PTPRE: variants seen among roughly 807,000 people sequenced by gnomAD.
The protein encoded by PTPRE is receptor-type tyrosine-protein phosphatase epsilon.
A neutral mutation model predicts 102.0 loss-of-function variants in PTPRE; 51 were observed. The ratio of observed to expected loss-of-function variants is 0.50; its 90% CI spans 0.40 to 0.63. PTPRE has a LOEUF of 0.63. PTPRE is among the 30% of genes least tolerant of loss of function. The pLI, the probability that PTPRE is intolerant of heterozygous loss-of-function variation, is 0.00. For missense variants in PTPRE, 752 were observed against 915.1 expected (o/e 0.82, Z 2.30); for synonymous variants, 345 against 348.2 (o/e 0.99, Z 0.10).
intron 1 of PTPRE, among the ~76,000 whole-genome samples, chr10:127,910,291 G>GA (rs1845779218): frequency 1.3e-5 from 2 of 152,106 alleles, no homozygotes; most frequent in African/African-American, 4.8e-5. Flanking sequence ...CCTGCTCTCA[G>GA]CCTCCTTCCC....
intron 1 of PTPRE, among the ~76,000 whole-genome samples, chr10:127,925,541 C>T (rs1846941360): frequency 6.6e-6 from 1 of 152,172 alleles, no homozygotes. Flanking sequence ...GAACAAGGCT[C>T]AGAAAACAGG....
intron 2 of PTPRE, among the ~76,000 whole-genome samples, chr10:127,992,212 C>T (rs1474742570): frequency 2.0e-5 from 3 of 152,110 alleles, no homozygotes; most frequent in African/African-American, 7.2e-5. Flanking sequence ...GGGAAAACAA[C>T]ATGACCAGAA....
chr10:127,979,442 C>A (rs1341421987), intron 1 of PTPRE, among the ~76,000 whole-genome samples: 1 of 152,194 alleles, frequency 6.6e-6, no homozygotes, highest in Non-Finnish European at 1.5e-5. Context: ...TGCTCTAATT[C>A]TTTAAGAAAC....
intron 1 of PTPRE, among the ~76,000 whole-genome samples, chr10:127,943,532 G>A (rs73376126): frequency 0.022 from 3,335 of 152,240 alleles, 130 homozygotes; most frequent in African/African-American, 0.076. Flanking sequence ...AAGGAAGGTC[G>A]GTGAAGACCC....
chr10:128,041,365 TTA>T (rs1176578656), intron 3 of PTPRE, among the ~76,000 whole-genome samples: 1 of 152,118 alleles, frequency 6.6e-6, no homozygotes, highest in Non-Finnish European at 1.5e-5. Context: ...AGAATTATTC[TTA>T]GGCCGGGTGC....
At chr10:128,027,944 A>G (rs1048223844) in intron 2 of PTPRE, among the ~76,000 whole-genome samples, 11 of 152,168 alleles carry the variant, frequency 7.2e-5, no homozygotes, top group African/African-American at 2.7e-4. Context: ...GGCAGAAACA[A>G]AGAAGCTGAG....
chr10:127,983,736 C>G (rs1377859951), intron 2 of PTPRE, among the ~76,000 whole-genome samples: 2 of 152,166 alleles, frequency 1.3e-5, no homozygotes, highest in African/African-American at 4.8e-5. Context: ...TGTCTCTCCA[C>G]TCAGTACTGG....
intron 1 of PTPRE, among the ~76,000 whole-genome samples, chr10:127,957,345 T>C (rs1247142569): frequency 6.6e-6 from 1 of 152,200 alleles, no homozygotes; most frequent in Non-Finnish European, 1.5e-5. Context: ...CTTTCTGCCT[T>C]TGTATTGCCT....
intron 2 of PTPRE, among the ~76,000 whole-genome samples, chr10:128,020,168 C>T (rs1178046460): frequency 6.6e-6 from 1 of 152,212 alleles, no homozygotes; most frequent in Non-Finnish European, 1.5e-5. Context: ...TTAATAAGCC[C>T]ACACTTTTCC....
At chr10:128,047,089 C>A (rs906352297) in intron 3 of PTPRE, among the ~76,000 whole-genome samples, 1 of 152,188 alleles carries the variant, frequency 6.6e-6, no homozygotes, top group Non-Finnish European at 1.5e-5. Context: ...AGCTTCTTAG[C>A]AGGAGAGCCA....
intron 20 of PTPRE, among the ~76,000 whole-genome samples, chr10:128,082,198 T>TCC (rs1564982611): frequency 1.0e-5 from 1 of 97,064 alleles, no homozygotes; most frequent in Admixed American, 9.5e-5. Context: ...TCTCTTTCTT[T>TCC]TTTTTTTTTT....
intron 2 of PTPRE, among the ~76,000 whole-genome samples, chr10:128,029,728 C>T (rs371859733): frequency 4.6e-5 from 7 of 152,344 alleles, no homozygotes; most frequent in African/African-American, 1.4e-4. Context: ...GAAGAAAAGA[C>T]GGCATGTGTC....
intron 2 of PTPRE, chr10:128,000,000 G>A (rs1853704420): frequency 1.0e-6 from 1 of 978,642 alleles, no homozygotes; most frequent in Non-Finnish European, 1.2e-6. Flanking sequence ...CGCGGAAAGG[G>A]ATCCCCAGAA....
At chr10:128,077,854 G>T in intron 19 of PTPRE, 71 bp downstream of exon 19, 1 of 1,509,284 alleles carries the variant, frequency 6.6e-7, no homozygotes, top group Non-Finnish European at 8.9e-7. Flanking sequence ...CCGCAGCTGT[G>T]GGCAGCAGAG....
chr10:127,984,016 C>T lies in PTPRE; in HGVS notation c.-8+1720C>T, dbSNP rs567642491. Among the ~76,000 whole-genome samples the T allele has an allele frequency of 5.2e-3, 789 of 152,152 alleles. 4 individuals are homozygous for T. The highest frequency in any genetic ancestry group is 7.7e-3 in the Non-Finnish European group (524 of 68,006). On this transcript the variant is annotated intron_variant, in intron 2 of 20. Coordinates refer to ENST00000254667, the MANE Select transcript of PTPRE (RefSeq NM_006504.6). ...ACCACGGGTAGTTGGCGGCCAGAGC[C>T]GCTTCAGGGGGCACCTCCCTTTTCC... is the stretch of plus-strand genomic sequence containing the variant.
intron 15 of PTPRE, chr10:128,071,282 T>A (rs1242917874): frequency 3.7e-6 from 1 of 267,188 alleles, no homozygotes; most frequent in Non-Finnish European, 7.3e-6. Context: ...CGCCTCCCCC[T>A]TACACAGAGG....
chr10:127,962,081 C>G (rs1849863223), intron 1 of PTPRE, among the ~76,000 whole-genome samples: 1 of 152,182 alleles, frequency 6.6e-6, no homozygotes, highest in Non-Finnish European at 1.5e-5. Context: ...TTCTTAAGCT[C>G]TAAATAACAA....
intron 2 of PTPRE, among the ~76,000 whole-genome samples, chr10:128,013,754 C>T (rs1475819344): frequency 6.6e-6 from 1 of 152,180 alleles, no homozygotes; most frequent in African/African-American, 2.4e-5. Context: ...CCAGACACCA[C>T]ATCCGCTGGC....
intron 2 of PTPRE, among the ~76,000 whole-genome samples, chr10:128,032,197 G>A (rs1445579996): frequency 6.6e-6 from 1 of 152,076 alleles, no homozygotes; most frequent in Non-Finnish European, 1.5e-5. Flanking sequence ...TGTATTTTTA[G>A]TAGAGATGGG....
Sources: allele counts gnomAD v4.1 joint callset (sites outside exome capture counted in the v4.1 genomes callset), GRCh38; gene constraint gnomAD v4.1.1; transcripts MANE v1.5; gene names NCBI Gene and HGNC (gene_info 2026-07-23, HGNC 2026-07-21).